The following NRXN3 variants were observed in gnomAD, a reference collection of about 807,000 sequenced individuals.
NRXN3 encodes neurexin 3, also known as neurexin III.
In NRXN3, 32 loss-of-function variants were observed where a neutral mutation model predicts 137.6. The ratio of observed to expected loss-of-function variants is 0.23; its 90% confidence interval spans 0.18 to 0.31. The LOEUF (loss-of-function observed/expected upper bound fraction) is 0.31, where lower values mean the gene tolerates loss of function less well. NRXN3 is among the 10% of genes least tolerant of loss of function. NRXN3 has a pLI of 1.00. For missense variants in NRXN3, 1,574 were observed against 2,062.5 expected (o/e 0.76, Z 4.59); for synonymous variants, 798 against 784.5 (o/e 1.02, Z -0.29).
At chr14:79,323,112 C>T (rs2090308878) in intron 15 of NRXN3, among the ~76,000 whole-genome samples, 1 of 152,214 alleles carries the variant, frequency 6.6e-6, no homozygotes, top group African/African-American at 2.4e-5. Context: ...TAGCTCACTG[C>T]AGCCTTGAAC....
chr14:79,600,440 A>G lies in NRXN3; in HGVS notation c.3445-63338A>G, dbSNP rs17109571. On this transcript the variant is annotated intron_variant, in intron 16 of 20. Transcript: ENST00000335750. ...AAGGTCAGGGCCTGAAGGAGAAAGT[A>G]TCACAGCACAAGTAACAATGTTAAA... Among the ~76,000 whole-genome samples, 975 of 152,356 alleles carry G rather than the reference A, an allele frequency of 6.4e-3. 8 individuals carry two copies. Among genetic ancestry groups the G allele is most frequent in the African/African-American group, 0.022 (920 of 41,588 alleles).
intron 4 of NRXN3, among the ~76,000 whole-genome samples, chr14:78,343,807 C>T (rs2082399730): frequency 6.6e-6 from 1 of 152,170 alleles, no homozygotes. Flanking sequence ...AAAAGTCTCC[C>T]AACCAATTAA....
intron 1 of NRXN3, among the ~76,000 whole-genome samples, chr14:78,189,381 C>T (rs1342979652): frequency 1.3e-5 from 2 of 152,106 alleles, no homozygotes; most frequent in African/African-American, 4.8e-5. Flanking sequence ...CCTCCTGTTC[C>T]ACTCTGAGTA....
intron 4 of NRXN3, among the ~76,000 whole-genome samples, chr14:78,464,387 T>C (rs2095034586): frequency 6.6e-6 from 1 of 152,126 alleles, no homozygotes; most frequent in Non-Finnish European, 1.5e-5. Flanking sequence ...AGCACAAATG[T>C]GACTAGACAG....
At chr14:79,481,061 T>G (rs939401026) in intron 16 of NRXN3, among the ~76,000 whole-genome samples, 1 of 152,148 alleles carries the variant, frequency 6.6e-6, no homozygotes, top group Non-Finnish European at 1.5e-5. Context: ...CTACTGTCTG[T>G]CAAGTGTAGT....
In NRXN3 at chr14:79,148,077, A is replaced by G. The variant is rs77949609; in HGVS notation, c.3262+159936A>G. 8.8e-3 allele frequency among the ~76,000 whole-genome samples: 1,335 copies of G among 152,208 alleles called. 20 individuals are homozygous for G. Among genetic ancestry groups the G allele is most frequent in the African/African-American group, 0.03 (1,255 of 41,528 alleles). On this transcript the variant is annotated intron_variant, in intron 15 of 20. Transcript: ENST00000335750. ...TTCATGTATTCTGGTCACCGTTCTA[A>G]ATTCTGGATGGTGAAAAAAAATATG... is the stretch of plus-strand genomic sequence containing the variant.
chr14:78,536,111 A>G (rs1049070684), intron 4 of NRXN3, among the ~76,000 whole-genome samples: 1 of 152,160 alleles, frequency 6.6e-6, no homozygotes, highest in Non-Finnish European at 1.5e-5. Flanking sequence ...TCACCAAGTC[A>G]ATGCAACTTC....
intron 6 of NRXN3, among the ~76,000 whole-genome samples, chr14:78,689,933 A>G (rs2098156728): frequency 6.7e-6 from 1 of 148,796 alleles, no homozygotes; most frequent in South Asian, 2.2e-4. Context: ...GCTCCTCCCC[A>G]CTATCTCTCA....
rs140080667 is a variant in NRXN3, at chr14:79,204,529, T to C, written c.3262+216388T>C. Among the ~76,000 whole-genome samples, 325 of 152,216 alleles carry C rather than the reference T, an allele frequency of 2.1e-3. 1 individual carries two copies. Among genetic ancestry groups the C allele is most frequent in the African/African-American group, 7.3e-3 (305 of 41,572 alleles). The stretch of plus-strand genomic sequence containing the variant: ...ACCCAAAGAAAGCAGCATCAGAATC[T>C]TGGCATAAGAAAAATAGCATTGTTT... On this transcript the variant is annotated intron_variant, in intron 15 of 20. Coordinates refer to ENST00000335750, the MANE Select transcript of NRXN3 (RefSeq NM_001330195.2).
chr14:79,768,885 G>A (rs1448726189), intron 19 of NRXN3, among the ~76,000 whole-genome samples: 1 of 151,522 alleles, frequency 6.6e-6, no homozygotes, highest in East Asian at 1.9e-4. Context: ...AAAAAATTTA[G>A]AAGAATGTAT....
At chr14:78,348,914 C>T (rs922955023) in intron 4 of NRXN3, among the ~76,000 whole-genome samples, 1 of 152,098 alleles carries the variant, frequency 6.6e-6, no homozygotes. Context: ...CAGTGGGCAC[C>T]GAGGTCATGT....
rs2093344679 is a variant in NRXN3, at chr14:79,354,410, T to A, written c.3263-112811T>A. Among the ~76,000 whole-genome samples, 3 of 152,282 alleles carry A rather than the reference T, an allele frequency of 2.0e-5. No individual in the cohort carries two copies. The South Asian group carries it at 6.2e-4, about 32-fold the overall frequency. On this transcript the variant is annotated intron_variant, in intron 15 of 20. Coordinates refer to ENST00000335750, the MANE Select transcript of NRXN3 (RefSeq NM_001330195.2). ...TAAATGTATCACCAAAAAATAAACA[T>A]TTTTTAAAAAAATTAGGTGACTATT... is the stretch of plus-strand genomic sequence containing the variant.
intron 15 of NRXN3, among the ~76,000 whole-genome samples, chr14:79,007,589 C>T (rs761818830): frequency 7.9e-5 from 12 of 151,644 alleles, no homozygotes; most frequent in South Asian, 2.1e-4. Context: ...GCAGATCACA[C>T]GGTCAGGAGA....
chr14:78,969,372 G>A (rs138380088), intron 14 of NRXN3, among the ~76,000 whole-genome samples: 2 of 152,320 alleles, frequency 1.3e-5, no homozygotes, highest in African/African-American at 2.4e-5. Context: ...GGCTGAAAAC[G>A]TGACTGTTAC....
chr14:78,556,162 C>A (rs145005159), intron 4 of NRXN3, among the ~76,000 whole-genome samples: 159 of 152,282 alleles, frequency 1.0e-3, no homozygotes, highest in African/African-American at 3.6e-3. Flanking sequence ...ATAATGGTTT[C>A]CATTGGTTCT....
At chr14:78,917,765 A>G (rs1327306392) in intron 10 of NRXN3, among the ~76,000 whole-genome samples, 2 of 152,086 alleles carry the variant, frequency 1.3e-5, no homozygotes, top group Non-Finnish European at 2.9e-5. Flanking sequence ...TATATGAGGA[A>G]GGCTCATCCG....
chr14:79,777,304 C>T (rs374018197), intron 19 of NRXN3, among the ~76,000 whole-genome samples: 7 of 152,036 alleles, frequency 4.6e-5, no homozygotes, highest in African/African-American at 1.4e-4. Flanking sequence ...TCTATAGATT[C>T]GGTGTCTTTC....
At chr14:79,370,323 G>GTTTT (rs71131696) in intron 15 of NRXN3, among the ~76,000 whole-genome samples, 2 of 137,494 alleles carry the variant, frequency 1.5e-5, no homozygotes, top group African/African-American at 5.4e-5. Context: ...GTTTTTTTTT[G>GTTTT]TTTTTTTTTT....
At chr14:79,607,474 A>G (rs1265710442) in intron 16 of NRXN3, among the ~76,000 whole-genome samples, 1 of 152,236 alleles carries the variant, frequency 6.6e-6, no homozygotes, top group Non-Finnish European at 1.5e-5. Flanking sequence ...ATAAGAAGCC[A>G]CCAACTCTCA....
Sources: gnomAD v4.1 joint callset for allele counts (sites outside exome capture counted in the v4.1 genomes callset) on GRCh38, gnomAD v4.1.1 for gene constraint, MANE v1.5 for transcripts, NCBI Gene and HGNC (gene_info 2026-07-23, HGNC 2026-07-21) for gene names.